BIRC6: variants seen among roughly 807,000 people sequenced by gnomAD.
BIRC6 encodes baculoviral IAP repeat containing 6.
Under a neutral mutation model 503.3 loss-of-function variants are expected in BIRC6, and 98 were observed. The ratio of observed to expected loss-of-function variants is 0.19; its 90% confidence interval spans 0.17 to 0.23. BIRC6 has a LOEUF of 0.23. Among genes scored for constraint, BIRC6 ranks in the 10% least tolerant of loss-of-function variants. The pLI is 1.00. For missense variants in BIRC6, 5,360 were observed against 5,806.0 expected (o/e 0.92, Z 2.50); for synonymous variants, 2,240 against 2,078.7 (o/e 1.08, Z -2.11).
chr2:32,463,688 A>G (rs1323567420), intron 24 of BIRC6, among the ~76,000 whole-genome samples: 1 of 152,374 alleles, frequency 6.6e-6, no homozygotes, highest in Middle Eastern at 3.4e-3. Flanking sequence ...TATATGGAGT[A>G]TAGTTCCTAA....
In BIRC6 at chr2:32,453,826, G is replaced by A. The variant is rs1369857332; in HGVS notation, c.4637G>A (p.Ser1546Asn). Residue 1546 changes from serine (S) to asparagine (N), a missense_variant, in exon 23 of 74, where the codon AGT becomes AAT. Ser to Asn is a conservative substitution (Grantham distance 46). Transcript: ENST00000421745. ...DVLSGNGKVS[S>N]CTAAEGSFTS... Reference sequence around the variant, plus strand: ...CCATTAGGAAATGGAAAGGTCAGTAGTTGCACAGCTGCTGAGGGTAGTTTC... The same window carrying A: ...CCATTAGGAAATGGAAAGGTCAGTAATTGCACAGCTGCTGAGGGTAGTTTC... 14 of 1,613,554 alleles carry A rather than the reference G, an allele frequency of 8.7e-6. No individual in the cohort carries two copies. Among genetic ancestry groups the A allele is most frequent in the Non-Finnish European group, 1.1e-5 (13 of 1,179,690 alleles).
At chr2:32,471,562 T>G (rs2049102042) in intron 32 of BIRC6, among the ~76,000 whole-genome samples, 3 of 152,206 alleles carry the variant, frequency 2.0e-5, no homozygotes. Context: ...TCTCAGATTT[T>G]GAGTTGTAAG....
At chr2:32,548,421 T>G (rs1384247672) in intron 64 of BIRC6, among the ~76,000 whole-genome samples, 1 of 141,956 alleles carries the variant, frequency 7.0e-6, no homozygotes, top group Non-Finnish European at 1.5e-5. Context: ...CAGGCTGGAG[T>G]GCAGTGGCGT....
At chr2:32,502,932 T>C (rs370296199) in intron 48 of BIRC6, 41 bp downstream of exon 48, 26 of 1,543,286 alleles carry the variant, frequency 1.7e-5, no homozygotes, top group Non-Finnish European at 2.1e-5. Context: ...AGTGTAGTTA[T>C]GTGATAGTAT....
intron 70 of BIRC6, among the ~76,000 whole-genome samples, chr2:32,601,029 A>G (rs2062019956): frequency 6.6e-6 from 1 of 152,202 alleles, no homozygotes; most frequent in African/African-American, 2.4e-5. Flanking sequence ...ATCTCATAAT[A>G]TTTTTAAAAA....
intron 23 of BIRC6, among the ~76,000 whole-genome samples, chr2:32,455,996 C>T (rs941961339): frequency 2.0e-5 from 3 of 152,022 alleles, no homozygotes; most frequent in Non-Finnish European, 4.4e-5. Flanking sequence ...AATATCTATG[C>T]GGAAAAGTGC....
At chr2:32,489,713 T>G (rs1174817456) in intron 42 of BIRC6, among the ~76,000 whole-genome samples, 1 of 152,112 alleles carries the variant, frequency 6.6e-6, no homozygotes, top group Non-Finnish European at 1.5e-5. Context: ...CTGTTTTCAG[T>G]TGCCAGTTTT....
chr2:32,604,895 C>CTTTT (rs11288979), intron 71 of BIRC6, among the ~76,000 whole-genome samples: 1 of 133,588 alleles, frequency 7.5e-6, no homozygotes, highest in Admixed American at 7.5e-5. Flanking sequence ...CTTTTCTTTT[C>CTTTT]TTTTTTTTTT....
rs764484444 is a variant in BIRC6 at position 32,595,050 on chromosome 2, A to C, written c.13518A>C (p.Glu4506Asp). ...AAATAACAGAAAAAAAACTGGGTGA[A>C]TACTCCAAGAAGGCGGCTATGAAAC... ...RQANQEKKLGEYSKKAAMKPK... is the reference protein window; with the variant it reads ...RQANQEKKLGDYSKKAAMKPK... Residue 4506 changes from glutamate (E) to aspartate (D), a missense_variant, in exon 68 of 74, where the codon GAA becomes GAC. By Grantham distance (45) the Glu-to-Asp change is conservative (BLOSUM62 2). This residue lies in a region of BIRC6 where 477 missense variants were observed against 574.4 expected (regional missense o/e 0.83). Transcript: ENST00000421745. The C allele has an allele frequency of 1.9e-6, 3 of 1,589,642 alleles. No individual in the cohort carries two copies. The highest frequency in any genetic ancestry group is 2.6e-6 in the Non-Finnish European group (3 of 1,171,436).
At chr2:32,562,152 A>ACT (rs1245315473) in intron 65 of BIRC6, among the ~76,000 whole-genome samples, 1 of 152,152 alleles carries the variant, frequency 6.6e-6, no homozygotes, top group African/African-American at 2.4e-5. Flanking sequence ...TCCTTATTGA[A>ACT]CTTTAGCATG....
rs761694229 is a variant in BIRC6 at position 32,415,362 on chromosome 2, T to C, written c.2071T>C (p.Phe691Leu). 1 of 1,613,934 alleles carries C rather than the reference T, an allele frequency of 6.2e-7. No homozygotes were observed. Among genetic ancestry groups the C allele is most frequent in the Admixed American group, 1.7e-5 (1 of 60,004 alleles). ...QDPPVTYIQQ[F>L]ADAAANLTSP... ...TCCTCCTGTGACTTACATTCAGCAA[T>C]TTGCAGATGCAGCAGCCAACCTTAC... Residue 691 changes from phenylalanine (F) to leucine (L), a missense_variant, in exon 10 of 74, where the codon TTT (phenylalanine) becomes CTT (leucine). This residue lies in a region of BIRC6 where 700 missense variants were observed against 739.3 expected (regional missense o/e 0.95). Transcript: ENST00000421745.
intron 51 of BIRC6, 42 bp from the exon 52 acceptor site, chr2:32,509,696 G>T: frequency 6.2e-7 from 1 of 1,608,154 alleles, no homozygotes; most frequent in South Asian, 1.1e-5. Flanking sequence ...GAAGTGATTT[G>T]AGCGACTTAT....
intron 67 of BIRC6, among the ~76,000 whole-genome samples, chr2:32,594,798 CCTCTTTTCATA>C (rs2061581891): frequency 6.6e-6 from 1 of 152,076 alleles, no homozygotes; most frequent in Admixed American, 6.6e-5. Context: ...TGTTTCACTT[CCTCTTTTCATA>C]AAGATGATTA....
chr2:32,410,278 G>A (rs1174733227), intron 9 of BIRC6, among the ~76,000 whole-genome samples: 1 of 151,970 alleles, frequency 6.6e-6, no homozygotes, highest in Non-Finnish European at 1.5e-5. Flanking sequence ...TCCAGCCTGG[G>A]CAACAGAGTG....
intron 22 of BIRC6, 112 bp downstream of exon 22, chr2:32,449,040 C>T (rs781072801): frequency 1.0e-6 from 1 of 971,168 alleles, no homozygotes; most frequent in Non-Finnish European, 1.5e-6. Flanking sequence ...AACTAAAATT[C>T]CTTAGAACTT....
intron 22 of BIRC6, among the ~76,000 whole-genome samples, chr2:32,451,259 C>T (rs1320290502): frequency 6.6e-6 from 1 of 152,212 alleles, no homozygotes; most frequent in Admixed American, 6.5e-5. Context: ...AATGATTTGG[C>T]TCTCTTTTCC....
At chr2:32,363,348 C>G (rs1163610654) in intron 1 of BIRC6, among the ~76,000 whole-genome samples, 3 of 151,976 alleles carry the variant, frequency 2.0e-5, no homozygotes, top group African/African-American at 7.2e-5. Flanking sequence ...ACAAGAAAAC[C>G]TTGCTTTTTT....
chr2:32,539,408 A>G (rs2057485746), intron 61 of BIRC6, among the ~76,000 whole-genome samples: 2 of 152,248 alleles, frequency 1.3e-5, no homozygotes, highest in Non-Finnish European at 2.9e-5. Context: ...CTTTCCAAAG[A>G]AAGATAGACA....
chr2:32,490,189 ATACT>A, intron 43 of BIRC6, 38 bp downstream of exon 43: 1 of 1,459,668 alleles, frequency 6.9e-7, no homozygotes, highest in Non-Finnish European at 9.6e-7. Context: ...TCTCTGACAT[ATACT>A]TTAGTGTTCT....
Sources: gnomAD v4.1 joint callset for allele counts (sites outside exome capture counted in the v4.1 genomes callset) on GRCh38, gnomAD v4.1.1 for gene constraint, gnomAD v4.1.1 regional missense constraint, MANE v1.5 for transcripts, NCBI Gene and HGNC (gene_info 2026-07-23, HGNC 2026-07-21) for gene names.